Variants in ACTR2 observed in about 807,000 individuals in gnomAD.
ACTR2 encodes the protein actin related protein 2, also known as actin-related protein 2.
Under a neutral mutation model 50.2 loss-of-function variants are expected in ACTR2, and 5 were observed. The ratio of observed to expected loss-of-function variants is 0.10; its 90% CI spans 0.05 to 0.21. The LOEUF (loss-of-function observed/expected upper bound fraction) is 0.21, where lower values mean the gene tolerates loss of function less well. Ranked by LOEUF, ACTR2 falls within the 10% of genes least tolerant of loss-of-function variation. ACTR2 has a pLI of 1.00. For missense variants in ACTR2, 180 were observed against 480.6 expected (o/e 0.37, Z 5.85); for synonymous variants, 140 against 162.9 (o/e 0.86, Z 1.07).
intron 6 of ACTR2, among the ~76,000 whole-genome samples, chr2:65,257,707 T>C (rs1672178766): frequency 6.6e-6 from 1 of 152,248 alleles, no homozygotes; most frequent in South Asian, 2.1e-4. Flanking sequence ...GATGAGCTTT[T>C]TTTCTTATGT....
intron 1 of ACTR2, among the ~76,000 whole-genome samples, chr2:65,233,076 C>G (rs1407535842): frequency 6.6e-6 from 1 of 151,600 alleles, no homozygotes; most frequent in Non-Finnish European, 1.5e-5. Flanking sequence ...CTTACTGCAG[C>G]CTCCATCTCC....
chr2:65,258,240 C>G (rs1672189586), intron 6 of ACTR2, among the ~76,000 whole-genome samples: 2 of 152,054 alleles, frequency 1.3e-5, no homozygotes, highest in Non-Finnish European at 2.9e-5. Flanking sequence ...TTTATTTCTT[C>G]CTTCTCTCTT....
At chr2:65,246,386 C>T in intron 2 of ACTR2, 138 bp from the exon 3 acceptor site, 2 of 647,480 alleles carry the variant, frequency 3.1e-6, no homozygotes, top group Non-Finnish European at 5.2e-6. Context: ...AGACATTGTT[C>T]TTGATAGAAA....
intron 3 of ACTR2, 131 bp from the exon 4 acceptor site, chr2:65,250,896 A>T (rs1672036253): frequency 1.9e-6 from 1 of 521,300 alleles, no homozygotes; most frequent in South Asian, 3.7e-5. Flanking sequence ...AGCTGATGAA[A>T]ATGGAAGACT....
intron 3 of ACTR2, among the ~76,000 whole-genome samples, chr2:65,247,979 G>A (rs1484109970): frequency 1.3e-5 from 2 of 152,214 alleles, no homozygotes; most frequent in African/African-American, 4.8e-5. Flanking sequence ...GGAGTAGCCA[G>A]TGTAAAGGTC....
At position 65,237,452 on chromosome 2, in the gene ACTR2, T is replaced by A. The variant is rs1229799796; in HGVS notation, c.49-2400T>A. Among the ~76,000 whole-genome samples the A allele has an allele frequency of 3.3e-5, 5 of 152,036 alleles. No homozygotes were observed. The East Asian group carries it at 9.7e-4, about 29-fold the overall frequency. On this transcript the variant is annotated intron_variant, in intron 1 of 8. Transcript: ENST00000260641. ...GGGGGGAATCTTGCCGTGTTGCCCA[T>A]ACTGGTCTCGAGCTTCTGGGCTCAA...
At chr2:65,239,989 TAATC>T in intron 2 of ACTR2, 27 bp downstream of exon 2, 3 of 1,411,028 alleles carry the variant, frequency 2.1e-6, no homozygotes, top group Non-Finnish European at 3.0e-6. Flanking sequence ...TGATAAATGA[TAATC>T]AAGACATGTG....
chr2:65,237,917 G>A (rs899617448), intron 1 of ACTR2, among the ~76,000 whole-genome samples: 5 of 152,072 alleles, frequency 3.3e-5, no homozygotes, highest in Non-Finnish European at 7.4e-5. Context: ...GGGCGGGGGC[G>A]GTGGAGGCCA....
intron 8 of ACTR2, among the ~76,000 whole-genome samples, chr2:65,267,873 T>TTTTTTTTTTTTTTTG: frequency 7.7e-6 from 1 of 129,632 alleles, no homozygotes; most frequent in Non-Finnish European, 1.6e-5. Flanking sequence ...TTTTTTTTTT[T>TTTTTTTTTTTTTTTG]TTTTTTTTTT....
chr2:65,233,564 TAGGCA>T (rs1248947191), intron 1 of ACTR2, among the ~76,000 whole-genome samples: 1 of 151,896 alleles, frequency 6.6e-6, no homozygotes, highest in African/African-American at 2.4e-5. Context: ...GACTACCCCA[TAGGCA>T]GTGTGCCCAG....
intron 6 of ACTR2, among the ~76,000 whole-genome samples, chr2:65,259,783 C>A (rs1282161879): frequency 2.0e-5 from 3 of 152,140 alleles, no homozygotes; most frequent in African/African-American, 7.2e-5. Context: ...AAAATTAATT[C>A]TGGTATCTCA....
chr2:65,266,670 G>A (rs1010850922), intron 8 of ACTR2, among the ~76,000 whole-genome samples: 16 of 152,106 alleles, frequency 1.1e-4, no homozygotes, highest in African/African-American at 3.6e-4. Flanking sequence ...GGTGGGCATA[G>A]AGAGACCAGT....
intron 8 of ACTR2, among the ~76,000 whole-genome samples, chr2:65,267,504 T>A (rs1672395320): frequency 6.6e-6 from 1 of 152,228 alleles, no homozygotes; most frequent in Admixed American, 6.5e-5. Context: ...ACATTGGGTC[T>A]TTTTTGCAGA....
At position 65,237,426 on chromosome 2, in the gene ACTR2, G is replaced by T. The variant is rs115156155; in HGVS notation, c.49-2426G>T. Among the ~76,000 whole-genome samples, 480 of 151,844 alleles carry T rather than the reference G, an allele frequency of 3.2e-3. 1 individual carries two copies. The highest frequency in any genetic ancestry group is 0.011 in the African/African-American group (464 of 41,436). On this transcript the variant is annotated intron_variant, in intron 1 of 8. Transcript: ENST00000260641. ...TTTTAAATTTTTTGTAATTTTTTCC[G>T]GGGGGGAATCTTGCCGTGTTGCCCA... is the stretch of plus-strand genomic sequence containing the variant.
intron 3 of ACTR2, among the ~76,000 whole-genome samples, chr2:65,247,385 G>A (rs1671958591): frequency 6.6e-6 from 1 of 151,982 alleles, no homozygotes. Flanking sequence ...TCAGGAGATC[G>A]AGACCATCCT....
chr2:65,228,021 C>A, intron 1 of ACTR2, 64 bp downstream of exon 1: 1 of 1,435,814 alleles, frequency 7.0e-7, no homozygotes, highest in Non-Finnish European at 9.2e-7. Context: ...AGCTGGCGCA[C>A]GGGCCCTCGG....
At chr2:65,263,370 A>G (rs1207128450) in intron 7 of ACTR2, among the ~76,000 whole-genome samples, 1 of 151,264 alleles carries the variant, frequency 6.6e-6, no homozygotes, top group Non-Finnish European at 1.5e-5. Flanking sequence ...TGTTTTGGCC[A>G]TGCAAAAGTT....
At chr2:65,253,414 C>G (rs1252614476) in intron 4 of ACTR2, among the ~76,000 whole-genome samples, 21 of 151,822 alleles carry the variant, frequency 1.4e-4, no homozygotes, top group Admixed American at 1.4e-3. Context: ...CTGTACTCCT[C>G]CAGCCTGGGT....
rs1342692924 is a variant in ACTR2 at position 65,271,188 on chromosome 2, A to C, written c.*2454A>C. The C allele has an allele frequency of 6.6e-6, 1 of 152,228 alleles. No homozygotes were observed. Among genetic ancestry groups the C allele is most frequent in the African/African-American group, 2.4e-5 (1 of 41,468 alleles). 9.4% of individuals were successfully genotyped at this position (152,228 alleles called of 1,614,324 possible). On this transcript the variant is annotated 3_prime_UTR_variant, in exon 9 of 9. Coordinates refer to ENST00000260641, the MANE Select transcript of ACTR2 (RefSeq NM_005722.4). Reference sequence around the variant, plus strand: ...TTGAGATATCAGTGGAAAGCTAAACAGTCTAAATTAACATGAAATACTTCA... The same window carrying C: ...TTGAGATATCAGTGGAAAGCTAAACCGTCTAAATTAACATGAAATACTTCA...
Sources: allele counts gnomAD v4.1 joint callset (sites outside exome capture counted in the v4.1 genomes callset), GRCh38; gene constraint gnomAD v4.1.1; transcripts MANE v1.5; gene names NCBI Gene and HGNC (gene_info 2026-07-23, HGNC 2026-07-21).